MAP7: variants seen among roughly 807,000 people sequenced by gnomAD.
MAP7 encodes microtubule associated protein 7.
In MAP7, 52 loss-of-function variants were observed where a neutral mutation model predicts 94.8. That is an observed-to-expected ratio of 0.55 (90% CI 0.44 to 0.69). The LOEUF (loss-of-function observed/expected upper bound fraction) is 0.69, where lower values mean the gene tolerates loss of function less well. Among genes scored for constraint, MAP7 ranks in the 30% least tolerant of loss-of-function variants. The probability of loss-of-function intolerance (pLI) is 0.00; values close to 1 mark genes in which losing one functional copy is unlikely to be tolerated. For missense variants in MAP7, 940 were observed against 964.6 expected, an observed-to-expected ratio of 0.97 and a Z score of 0.34; for synonymous variants, 350 against 357.0, an observed-to-expected ratio of 0.98 and a Z score of 0.22.
intron 2 of MAP7, among the ~76,000 whole-genome samples, chr6:136,415,600 C>T (rs1434897390): frequency 1.3e-5 from 2 of 152,092 alleles, no homozygotes; most frequent in Non-Finnish European, 2.9e-5. Context: ...CTGTGAAGTG[C>T]CTTTTGAATG....
intron 1 of MAP7, among the ~76,000 whole-genome samples, chr6:136,452,661 T>C (rs933564001): frequency 1.3e-5 from 2 of 152,112 alleles, no homozygotes; most frequent in Admixed American, 6.6e-5. Context: ...CAAGTGACTG[T>C]CGTGCCTCAG....
intron 4 of MAP7, among the ~76,000 whole-genome samples, chr6:136,388,759 G>T (rs1341128075): frequency 3.3e-5 from 5 of 152,120 alleles, no homozygotes; most frequent in African/African-American, 4.8e-5. Flanking sequence ...TACTACTAGG[G>T]TGTGCGTGAT....
chr6:136,501,773 T>C (rs1213304532), intron 1 of MAP7, among the ~76,000 whole-genome samples: 1 of 152,140 alleles, frequency 6.6e-6, no homozygotes, highest in Non-Finnish European at 1.5e-5. Flanking sequence ...CATGGTTTGC[T>C]CACATGCAGC....
intron 6 of MAP7, among the ~76,000 whole-genome samples, chr6:136,381,919 C>CACACACACACACACACAGAGAGAG (rs373754692): frequency 4.9e-5 from 5 of 103,036 alleles, no homozygotes; most frequent in African/African-American, 1.9e-4. Flanking sequence ...CACACACACA[C>CACACACACACACACACAGAGAGAG]AGAGAGAGAG....
intron 4 of MAP7, 166 bp from the exon 5 acceptor site, chr6:136,388,676 AGGGTCACTTTAGT>A (rs1779841770): frequency 1.8e-6 from 1 of 554,268 alleles, no homozygotes; most frequent in African/African-American, 1.9e-5. Context: ...TCAATCTGGG[AGGGTCACTTTAGT>A]CATTAGGTCC....
Position 136,526,451 on chromosome 6 carries a change from C to T in MAP7, c.67+23891G>A, listed in dbSNP as rs143825555. The T allele has an allele frequency of 3.8e-4, 374 of 986,244 alleles. 1 individual carries two copies. In the East Asian group the frequency reaches 0.011, roughly 30 times the overall value. 61.1% of individuals were successfully genotyped at this position (986,244 alleles called of 1,614,324 possible). On this transcript the variant is annotated intron_variant, in intron 1 of 17. Coordinates refer to ENST00000354570, the MANE Select transcript of MAP7 (RefSeq NM_003980.6). Reference sequence around the variant, plus strand: ...ACACAGTAAAATATTCAGCCCACAGCAGAGAGGGGAAAATATGATATGCTG... The same window carrying T: ...ACACAGTAAAATATTCAGCCCACAGTAGAGAGGGGAAAATATGATATGCTG...
chr6:136,365,509 G>A (rs1243293156), intron 10 of MAP7, among the ~76,000 whole-genome samples: 1 of 152,152 alleles, frequency 6.6e-6, no homozygotes, highest in Non-Finnish European at 1.5e-5. Flanking sequence ...GTATGCACAG[G>A]AATAGTGTTG....
At chr6:136,457,455 T>A (rs1310763741) in intron 1 of MAP7, among the ~76,000 whole-genome samples, 1 of 152,160 alleles carries the variant, frequency 6.6e-6, no homozygotes, top group Non-Finnish European at 1.5e-5. Flanking sequence ...GGGAACACTC[T>A]TGAACTCAAA....
At chr6:136,543,706 T>C (rs924571457) in intron 1 of MAP7, among the ~76,000 whole-genome samples, 7 of 152,048 alleles carry the variant, frequency 4.6e-5, no homozygotes, top group African/African-American at 1.4e-4. Flanking sequence ...TTTTATGACA[T>C]TCTGGAAAAG....
chr6:136,490,800 C>G (rs781153556), intron 1 of MAP7, among the ~76,000 whole-genome samples: 1 of 152,130 alleles, frequency 6.6e-6, no homozygotes, highest in Non-Finnish European at 1.5e-5. Flanking sequence ...AAGGTATATT[C>G]CCATCATCAC....
At chr6:136,414,170 G>A (rs1201956544) in intron 2 of MAP7, among the ~76,000 whole-genome samples, 1 of 146,252 alleles carries the variant, frequency 6.8e-6, no homozygotes, top group Admixed American at 6.9e-5. Flanking sequence ...GGAGAATGGC[G>A]TGAACCCGGG....
intron 1 of MAP7, among the ~76,000 whole-genome samples, chr6:136,510,501 T>C (rs1375231056): frequency 2.6e-5 from 4 of 151,794 alleles, no homozygotes; most frequent in African/African-American, 4.8e-5. Context: ...ACACAGGGGG[T>C]TCAGAAGCCT....
chr6:136,415,022 G>C (rs1340584373), intron 2 of MAP7, among the ~76,000 whole-genome samples: 2 of 152,116 alleles, frequency 1.3e-5, no homozygotes, highest in African/African-American at 4.8e-5. Context: ...TGTTGGTCAG[G>C]CTGGTCTCAA....
chr6:136,349,503 A>G (rs1788567582), intron 16 of MAP7, among the ~76,000 whole-genome samples: 2 of 152,038 alleles, frequency 1.3e-5, no homozygotes, highest in Admixed American at 1.3e-4. Context: ...CCTCCCGCGT[A>G]TCTGGGACTA....
intron 1 of MAP7, among the ~76,000 whole-genome samples, chr6:136,469,551 T>C (rs964271325): frequency 6.6e-6 from 1 of 152,078 alleles, no homozygotes; most frequent in African/African-American, 2.4e-5. Flanking sequence ...CCAGCTTTTT[T>C]GGAGGGGGGT....
At chr6:136,509,159 AC>A (rs1822482157) in intron 1 of MAP7, among the ~76,000 whole-genome samples, 1 of 152,204 alleles carries the variant, frequency 6.6e-6, no homozygotes, top group Non-Finnish European at 1.5e-5. Context: ...ATAATGCTTC[AC>A]CAAAAAACTA....
chr6:136,442,112 G>T lies in MAP7; in HGVS notation c.68-20313C>A, dbSNP rs57976275. Among the ~76,000 whole-genome samples the T allele has an allele frequency of 0.012, 1,883 of 152,086 alleles. 82 individuals carry two copies. The East Asian group carries it at 0.14, about 11-fold the overall frequency. On this transcript the variant is annotated intron_variant, in intron 1 of 17. Coordinates refer to ENST00000354570, the MANE Select transcript of MAP7 (RefSeq NM_003980.6). ...ATCAAACATAAAACTTTTAAAAAGCGATACTTAAGGCTGGGCATGGTGACT... is the reference window on the plus strand; with the variant it reads ...ATCAAACATAAAACTTTTAAAAAGCTATACTTAAGGCTGGGCATGGTGACT...
intron 3 of MAP7, 110 bp downstream of exon 3, chr6:136,411,509 CT>C: frequency 1.2e-6 from 1 of 860,636 alleles, no homozygotes; most frequent in Non-Finnish European, 1.8e-6. Context: ...TCATCACATA[CT>C]AAATTCTGCC....
intron 15 of MAP7, among the ~76,000 whole-genome samples, chr6:136,359,165 A>T (rs1791816126): frequency 1.3e-5 from 2 of 152,216 alleles, no homozygotes; most frequent in Admixed American, 1.3e-4. Context: ...CTCCAAAAAA[A>T]AATCAATAAT....
Sources: gnomAD v4.1 joint callset for allele counts (sites outside exome capture counted in the v4.1 genomes callset) on GRCh38, gnomAD v4.1.1 for gene constraint, MANE v1.5 for transcripts, NCBI Gene and HGNC (gene_info 2026-07-23, HGNC 2026-07-21) for gene names.